AUTS2: variants seen among roughly 807,000 people sequenced by gnomAD.
AUTS2 encodes the protein activator of transcription and developmental regulator AUTS2, also known as autism susceptibility gene 2 protein.
In AUTS2, 17 loss-of-function variants were observed where a neutral mutation model predicts 112.4. The ratio of observed to expected loss-of-function variants is 0.15; its 90% CI spans 0.10 to 0.23. The LOEUF (loss-of-function observed/expected upper bound fraction) is 0.23. Ranked by LOEUF, AUTS2 falls within the 10% of genes least tolerant of loss-of-function variation. The pLI is 1.00. For synonymous variants in AUTS2, 751 were observed against 702.7 expected (o/e 1.07, Z -1.09); for missense variants, 1,510 against 1,701.6 (o/e 0.89, Z 1.98).
At chr7:70,189,723 C>G (rs1385523029) in intron 4 of AUTS2, among the ~76,000 whole-genome samples, 2 of 152,204 alleles carry the variant, frequency 1.3e-5, no homozygotes, top group Non-Finnish European at 2.9e-5. Context: ...CTTGAGCATC[C>G]TCAAAGCTCC....
intron 1 of AUTS2, among the ~76,000 whole-genome samples, chr7:69,651,878 G>C (rs1398254146): frequency 6.6e-6 from 1 of 152,200 alleles, no homozygotes; most frequent in Non-Finnish European, 1.5e-5. Context: ...TTTGTTGCCA[G>C]GTCTGCACTA....
At chr7:70,061,023 T>C (rs745379012) in intron 2 of AUTS2, among the ~76,000 whole-genome samples, 33 of 152,230 alleles carry the variant, frequency 2.2e-4, no homozygotes, top group Non-Finnish European at 1.3e-4. Flanking sequence ...CTATGCCTTA[T>C]TTATTTTCAG....
chr7:69,693,478 A>C (rs1477463787), intron 1 of AUTS2, among the ~76,000 whole-genome samples: 2 of 152,234 alleles, frequency 1.3e-5, no homozygotes, highest in Non-Finnish European at 2.9e-5. Context: ...AAAAAAGACT[A>C]ATTTGTTGCC....
At chr7:70,384,962 T>C (rs559041894) in intron 4 of AUTS2, among the ~76,000 whole-genome samples, 1 of 152,286 alleles carries the variant, frequency 6.6e-6, no homozygotes, top group South Asian at 2.1e-4. Flanking sequence ...CTTGGAGATA[T>C]AGTGGGTAAA....
chr7:70,137,205 A>G (rs1460552201), intron 4 of AUTS2, among the ~76,000 whole-genome samples: 2 of 152,242 alleles, frequency 1.3e-5, no homozygotes, highest in African/African-American at 2.4e-5. Flanking sequence ...ATCAGTATTT[A>G]CATAAGCATA....
At chr7:70,211,390 C>G (rs1430818020) in intron 4 of AUTS2, among the ~76,000 whole-genome samples, 1 of 150,206 alleles carries the variant, frequency 6.7e-6, no homozygotes, top group East Asian at 2.0e-4. Flanking sequence ...TGGTTCACGC[C>G]TATAATCCCA....
chr7:70,329,072 G>A (rs538876096), intron 4 of AUTS2, among the ~76,000 whole-genome samples: 1 of 152,190 alleles, frequency 6.6e-6, no homozygotes, highest in Non-Finnish European at 1.5e-5. Context: ...TTAGCATAAT[G>A]TTTTGGAGGT....
At chr7:70,562,539 C>T (rs148307123) in intron 5 of AUTS2, among the ~76,000 whole-genome samples, 2,292 of 152,266 alleles carry the variant, frequency 0.015, 54 homozygotes, top group African/African-American at 0.052. Context: ...ATTTATGTCA[C>T]CACTGTTTCA....
chr7:70,193,328 A>G (rs1810002608), intron 4 of AUTS2, among the ~76,000 whole-genome samples: 1 of 152,236 alleles, frequency 6.6e-6, no homozygotes, highest in African/African-American at 2.4e-5. Context: ...GGAAATTATT[A>G]TAAGTCAATG....
intron 4 of AUTS2, among the ~76,000 whole-genome samples, chr7:70,316,597 C>T (rs1048118380): frequency 5.3e-5 from 8 of 151,866 alleles, no homozygotes; most frequent in African/African-American, 1.9e-4. Context: ...CTGAGTTTTG[C>T]TGTGTTGGCC....
chr7:70,627,424 T>C (rs1805009348), intron 5 of AUTS2, among the ~76,000 whole-genome samples: 1 of 152,240 alleles, frequency 6.6e-6, no homozygotes, highest in Non-Finnish European at 1.5e-5. Context: ...AATTTGCAAA[T>C]GTTTTCTCCC....
chr7:69,858,325 A>C (rs1278636927), intron 1 of AUTS2, among the ~76,000 whole-genome samples: 1 of 152,220 alleles, frequency 6.6e-6, no homozygotes, highest in Non-Finnish European at 1.5e-5. Context: ...AAAAACCAGT[A>C]TGAGGGTGGA....
chr7:70,746,908 C>T (rs944067615), intron 6 of AUTS2, among the ~76,000 whole-genome samples: 1 of 152,140 alleles, frequency 6.6e-6, no homozygotes, highest in South Asian at 2.1e-4. Context: ...GATTCTGTAA[C>T]CATTATTTTG....
rs772392460 is a variant in AUTS2, at chr7:70,764,990, G to A, written c.1453G>A (p.Gly485Arg). The A allele has an allele frequency of 9.9e-6, 16 of 1,613,558 alleles. No individual in the cohort carries two copies. The highest frequency in any genetic ancestry group is 1.1e-5 in the South Asian group (1 of 91,054). Residue 485 changes from glycine (G) to arginine (R), a missense_variant, in exon 8 of 19, where the codon GGG becomes AGG. By Grantham distance (125) the Gly-to-Arg change is moderately radical. This residue lies in a region of AUTS2 where 187 missense variants were observed against 309.7 expected (regional missense o/e 0.60). Transcript: ENST00000342771. ...GSLQVAGHPA[G>R]STYSEQDILR... is the part of the protein sequence containing the mutation. ...TCTGCAGGTGGCCGGACACCCGGCC[G>A]GGAGCACTTACTCAGGTAGGACGGA...
chr7:70,350,127 G>A (rs553045102), intron 4 of AUTS2, among the ~76,000 whole-genome samples: 8 of 151,920 alleles, frequency 5.3e-5, no homozygotes, highest in African/African-American at 7.3e-5. Flanking sequence ...AAAAGTGTGA[G>A]CAGGCTGTGG....
chr7:69,760,396 A>G (rs1788135274), intron 1 of AUTS2, among the ~76,000 whole-genome samples: 1 of 151,904 alleles, frequency 6.6e-6, no homozygotes, highest in South Asian at 2.1e-4. Flanking sequence ...GGGAAACCAT[A>G]ATTCCAGACC....
At chr7:70,515,705 CTCTT>C (rs970335579) in intron 5 of AUTS2, among the ~76,000 whole-genome samples, 1 of 152,012 alleles carries the variant, frequency 6.6e-6, no homozygotes, top group Non-Finnish European at 1.5e-5. Context: ...CCCTCTCTCT[CTCTT>C]TTCTCTTTTT....
chr7:70,142,434 G>C (rs1256001384), intron 4 of AUTS2, among the ~76,000 whole-genome samples: 1 of 152,164 alleles, frequency 6.6e-6, no homozygotes, highest in African/African-American at 2.4e-5. Flanking sequence ...TGTCCTTTGA[G>C]CCACAGGAAT....
chr7:70,392,322 A>T (rs1793902188), intron 4 of AUTS2, among the ~76,000 whole-genome samples: 1 of 152,224 alleles, frequency 6.6e-6, no homozygotes, highest in African/African-American at 2.4e-5. Context: ...GGACCTCCTG[A>T]AACATTTCAG....
Sources: gnomAD v4.1 joint callset for allele counts (sites outside exome capture counted in the v4.1 genomes callset) on GRCh38, gnomAD v4.1.1 for gene constraint, gnomAD v4.1.1 regional missense constraint, MANE v1.5 for transcripts, NCBI Gene and HGNC (gene_info 2026-07-23, HGNC 2026-07-21) for gene names.